The following TYW1B variants were observed in gnomAD, a reference collection of about 807,000 sequenced individuals.
TYW1B encodes S-adenosyl-L-methionine-dependent tRNA 4-demethylwyosine synthase TYW1B.
A neutral mutation model predicts 86.9 loss-of-function variants in TYW1B; 73 were observed. The observed-to-expected ratio is 0.84, with a 90% CI of 0.70 to 1.02. The LOEUF (loss-of-function observed/expected upper bound fraction) is 1.02, where lower values mean the gene tolerates loss of function less well. TYW1B is among the 50% of genes least tolerant of loss of function. TYW1B has a pLI of 0.00. For synonymous variants in TYW1B, 248 were observed against 292.8 expected, an observed-to-expected ratio of 0.85 and a Z score of 1.56; for missense variants, 637 against 827.4, an observed-to-expected ratio of 0.77 and a Z score of 2.82.
chr7:72,806,456 G>A (rs1490655341), intron 5 of TYW1B, among the ~76,000 whole-genome samples: 6 of 151,994 alleles, frequency 3.9e-5, no homozygotes, highest in African/African-American at 1.4e-4. Context: ...GCATGGTCTC[G>A]AACTCTTGAC....
At position 72,826,852 on chromosome 7, in the gene TYW1B, T is replaced by G; in HGVS notation, c.135+3A>C. 6.2e-7 allele frequency: 1 copy of G among 1,611,330 alleles called. No homozygotes were observed. Among genetic ancestry groups the G allele is most frequent in the East Asian group, 2.2e-5 (1 of 44,828 alleles). ...CTCTATTAAAAAAAATAACTCCACT[T>G]ACCTGCATCTCGATGACAATCTGGA... On this transcript the variant is annotated splice_donor_region_variant and intron_variant, in intron 2 of 13. Transcript: ENST00000620995.
At chr7:72,810,359 TG>T (rs1788582345) in intron 4 of TYW1B, 111 bp downstream of exon 4, 1 of 1,057,524 alleles carries the variant, frequency 9.5e-7, no homozygotes, top group African/African-American at 1.6e-5. Context: ...CATACATGTG[TG>T]TTTATGTGTG....
At chr7:72,820,726 TCTGCC>T (rs1554480299) in intron 2 of TYW1B, among the ~76,000 whole-genome samples, 1 of 152,152 alleles carries the variant, frequency 6.6e-6, no homozygotes, top group East Asian at 1.9e-4. Context: ...TCAGGAGGGA[TCTGCC>T]CCCAGGACCC....
At chr7:72,739,564 C>T (rs1244762715) in intron 8 of TYW1B, among the ~76,000 whole-genome samples, 3 of 150,604 alleles carry the variant, frequency 2.0e-5, no homozygotes, top group Non-Finnish European at 3.0e-5. Context: ...CAAGATCATG[C>T]CATTGCACTC....
intron 11 of TYW1B, among the ~76,000 whole-genome samples, chr7:72,636,440 T>C (rs758849242): frequency 2.6e-5 from 4 of 152,230 alleles, no homozygotes; most frequent in Non-Finnish European, 4.4e-5. Context: ...TCTTGTCTTT[T>C]AGCACCAGCC....
intron 2 of TYW1B, among the ~76,000 whole-genome samples, chr7:72,824,309 C>G (rs1402061304): frequency 6.6e-6 from 1 of 152,198 alleles, no homozygotes; most frequent in Non-Finnish European, 1.5e-5. Context: ...GCACTAACTA[C>G]CTGTGACCTG....
intron 6 of TYW1B, among the ~76,000 whole-genome samples, chr7:72,780,503 T>C (rs1393330317): frequency 1.3e-5 from 2 of 152,106 alleles, no homozygotes; most frequent in African/African-American, 4.8e-5. Flanking sequence ...TGGACCGAGG[T>C]CCATGACACT....
intron 13 of TYW1B, among the ~76,000 whole-genome samples, chr7:72,601,765 G>GT (rs1382710130): frequency 1.4e-5 from 2 of 146,680 alleles, no homozygotes; most frequent in African/African-American, 5.1e-5. Flanking sequence ...AAAAAAAAAG[G>GT]TTAAAAAAAA....
At chr7:72,643,932 T>C (rs1812864342) in intron 11 of TYW1B, among the ~76,000 whole-genome samples, 1 of 152,088 alleles carries the variant, frequency 6.6e-6, no homozygotes, top group Admixed American at 6.5e-5. Flanking sequence ...AAACTTAAAG[T>C]CATTAAAAGA....
chr7:72,786,944 A>C (rs1216649741), intron 6 of TYW1B, among the ~76,000 whole-genome samples: 4 of 151,984 alleles, frequency 2.6e-5, no homozygotes, highest in Non-Finnish European at 4.4e-5. Flanking sequence ...TATCACATGC[A>C]TCATTTTCAG....
At chr7:72,712,529 T>C (rs1388787241) in intron 10 of TYW1B, among the ~76,000 whole-genome samples, 7 of 152,212 alleles carry the variant, frequency 4.6e-5, no homozygotes, top group Non-Finnish European at 1.0e-4. Context: ...GGTTTCCCCA[T>C]GTTGGTCAGG....
chr7:72,818,876 C>T (rs1481305701), intron 2 of TYW1B, among the ~76,000 whole-genome samples: 1 of 152,086 alleles, frequency 6.6e-6, no homozygotes, highest in Non-Finnish European at 1.5e-5. Flanking sequence ...GGTGCTAAAC[C>T]ACTCATGCGA....
intron 12 of TYW1B, among the ~76,000 whole-genome samples, chr7:72,618,353 A>G (rs1812130801): frequency 6.7e-6 from 1 of 149,068 alleles, no homozygotes; most frequent in African/African-American, 2.5e-5. Context: ...AGTAGCTGGG[A>G]ATACAGGCAT....
intron 9 of TYW1B, among the ~76,000 whole-genome samples, chr7:72,722,183 A>G (rs1281595223): frequency 6.6e-6 from 1 of 151,968 alleles, no homozygotes; most frequent in Non-Finnish European, 1.5e-5. Flanking sequence ...CCACCTTCAC[A>G]TTTTCTTTAT....
intron 13 of TYW1B, among the ~76,000 whole-genome samples, chr7:72,576,496 G>C (rs1811024181): frequency 6.7e-6 from 1 of 149,066 alleles, no homozygotes; most frequent in Non-Finnish European, 1.5e-5. Flanking sequence ...ACAAGTACTT[G>C]TCATGCCACT....
intron 9 of TYW1B, among the ~76,000 whole-genome samples, chr7:72,726,106 C>A (rs1407317255): frequency 6.6e-6 from 1 of 152,064 alleles, no homozygotes; most frequent in Non-Finnish European, 1.5e-5. Flanking sequence ...AGTTCTTTAC[C>A]AACAGTTTCA....
In TYW1B at chr7:72,672,937, G is replaced by A. The variant is rs570713529; in HGVS notation, c.1506+21750C>T. Among the ~76,000 whole-genome samples the A allele has an allele frequency of 2.0e-5, 3 of 152,352 alleles. No homozygotes were observed. In the East Asian group the frequency reaches 5.8e-4, roughly 29 times the overall value. ...TAATCCCAGCACTTTGGGAGGCCAA[G>A]GCGGGTGGATCACTTGAGGTCAGGA... On this transcript the variant is annotated intron_variant, in intron 11 of 13. Coordinates refer to ENST00000620995, the MANE Select transcript of TYW1B (RefSeq NM_001145440.3).
rs28761274 is a variant in TYW1B, at chr7:72,703,094, G to T, written c.1371-8272C>A. On this transcript the variant is annotated intron_variant, in intron 10 of 13. Coordinates refer to ENST00000620995, the MANE Select transcript of TYW1B (RefSeq NM_001145440.3). Reference sequence around the variant, plus strand: ...GGCCAGAGTGCAGTGGCACTATCTCGGCTCACTGCAAGCTCTGCCTCCCGG... The same window carrying T: ...GGCCAGAGTGCAGTGGCACTATCTCTGCTCACTGCAAGCTCTGCCTCCCGG... Among the ~76,000 whole-genome samples, 3 of 144,004 alleles carry T rather than the reference G, an allele frequency of 2.1e-5. No individual in the cohort carries two copies. The East Asian group carries it at 6.3e-4, about 30-fold the overall frequency. The allele number at this position is 144,004 out of a possible 152,430, so 94.5% of individuals were successfully genotyped here. A position where few individuals can be genotyped will look rare whatever the true frequency, so the allele number is the denominator to read the frequency against.
At chr7:72,701,981 G>GC (rs1439966693) in intron 10 of TYW1B, among the ~76,000 whole-genome samples, 2 of 152,128 alleles carry the variant, frequency 1.3e-5, no homozygotes, top group Non-Finnish European at 2.9e-5. Flanking sequence ...GTCTTCTCTG[G>GC]CATGCCCACA....
Sources: allele counts gnomAD v4.1 joint callset (sites outside exome capture counted in the v4.1 genomes callset), GRCh38; gene constraint gnomAD v4.1.1; transcripts MANE v1.5; gene names NCBI Gene and HGNC (gene_info 2026-07-23, HGNC 2026-07-21).